Variants in SYT14 observed in about 807,000 individuals in gnomAD.
The protein encoded by SYT14 is synaptotagmin 14, also known as synaptotagmin-14.
In SYT14, 32 loss-of-function variants were observed where a neutral mutation model predicts 74.2. The observed-to-expected ratio is 0.43, with a 90% CI of 0.33 to 0.58. The LOEUF (loss-of-function observed/expected upper bound fraction) is 0.58, where lower values mean the gene tolerates loss of function less well. SYT14 is among the 20% of genes least tolerant of loss of function. The probability of loss-of-function intolerance (pLI) is 0.05; values close to 1 mark genes in which losing one functional copy is unlikely to be tolerated. For synonymous variants in SYT14, 298 were observed against 337.7 expected (o/e 0.88, Z 1.29); for missense variants, 791 against 981.8 (o/e 0.81, Z 2.60).
intron 7 of SYT14, among the ~76,000 whole-genome samples, chr1:210,129,298 C>T (rs1340070806): frequency 6.6e-6 from 1 of 152,220 alleles, no homozygotes; most frequent in Non-Finnish European, 1.5e-5. Context: ...TTTCTACTCT[C>T]TTCCCCGACC....
chr1:210,061,974 A>G (rs893933166), intron 5 of SYT14, among the ~76,000 whole-genome samples: 1 of 151,726 alleles, frequency 6.6e-6, no homozygotes, highest in Admixed American at 6.6e-5. Context: ...TAGTGTAAAG[A>G]TCTATTATAC....
At chr1:209,984,745 G>A (rs2079543333) in intron 2 of SYT14, among the ~76,000 whole-genome samples, 1 of 152,140 alleles carries the variant, frequency 6.6e-6, no homozygotes, top group South Asian at 2.1e-4. Flanking sequence ...GGTTCTGCAG[G>A]CTGTATAAGC....
chr1:209,984,976 A>G (rs887756813), intron 2 of SYT14, among the ~76,000 whole-genome samples: 1 of 152,278 alleles, frequency 6.6e-6, no homozygotes, highest in Non-Finnish European at 1.5e-5. Context: ...AACACCTCCC[A>G]CCAGGCCCCA....
chr1:209,980,797 T>C (rs971355806), intron 2 of SYT14, among the ~76,000 whole-genome samples: 11 of 152,162 alleles, frequency 7.2e-5, no homozygotes, highest in African/African-American at 2.4e-4. Context: ...TTCTGTTCCA[T>C]TGGTCTATGT....
intron 7 of SYT14, among the ~76,000 whole-genome samples, chr1:210,125,366 G>A (rs541789806): frequency 4.6e-5 from 7 of 152,246 alleles, no homozygotes; most frequent in African/African-American, 1.4e-4. Flanking sequence ...AGCTGCATTG[G>A]TGTTGCTGCA....
chr1:209,983,506 C>CT (rs1224166860), intron 2 of SYT14, among the ~76,000 whole-genome samples: 1 of 152,084 alleles, frequency 6.6e-6, no homozygotes, highest in Non-Finnish European at 1.5e-5. Flanking sequence ...CTCCAGTAAA[C>CT]TTTCATTTGA....
At chr1:210,168,047 G>A (rs1044078991) in exon 10 of SYT14, 32 of 135,146 alleles carry the variant, frequency 2.4e-4, no homozygotes, top group African/African-American at 8.8e-4. Context: ...ATCATAGCAT[G>A]TTTGTTGTTG....
At position 210,111,164 on chromosome 1, in the gene SYT14, A is replaced by G. The variant is rs376901150; in HGVS notation, c.2034+10703A>G. Among the ~76,000 whole-genome samples, 5 of 152,318 alleles carry G rather than the reference A, an allele frequency of 3.3e-5. No homozygotes were observed. In the South Asian group the frequency reaches 1.0e-3, roughly 32 times the overall value. ...TAAAGCTTTTTAATCACCTGGGTGC[A>G]GGCGGGCTGAGTCCAGAAAGAGGGT... is the stretch of plus-strand genomic sequence containing the variant. On this transcript the variant is annotated intron_variant, in intron 7 of 9. Coordinates refer to ENST00000637265, the Ensembl canonical transcript of SYT14.
intron 5 of SYT14, among the ~76,000 whole-genome samples, chr1:210,057,588 AT>A (rs1387735225): frequency 6.6e-6 from 1 of 152,122 alleles, no homozygotes; most frequent in Non-Finnish European, 1.5e-5. Context: ...TAAATCAATA[AT>A]TTTTTTATTT....
chr1:210,085,168 G>T (rs1419394124), intron 5 of SYT14, among the ~76,000 whole-genome samples: 1 of 152,086 alleles, frequency 6.6e-6, no homozygotes, highest in African/African-American at 2.4e-5. Context: ...TTATATGTGA[G>T]ATTTTTAAAA....
At chr1:210,037,192 C>T (rs907107159) in intron 5 of SYT14, among the ~76,000 whole-genome samples, 37 of 151,912 alleles carry the variant, frequency 2.4e-4, no homozygotes, top group African/African-American at 8.7e-4. Flanking sequence ...TATCCATTTC[C>T]TCTAGGTTTT....
intron 2 of SYT14, among the ~76,000 whole-genome samples, chr1:209,977,358 C>T (rs1448734836): frequency 4.6e-5 from 7 of 152,090 alleles, no homozygotes; most frequent in Admixed American, 4.6e-4. Flanking sequence ...TGTTCCTTTC[C>T]ATGTTTAGTG....
At chr1:210,075,192 G>A (rs182683251) in intron 5 of SYT14, among the ~76,000 whole-genome samples, 3 of 152,182 alleles carry the variant, frequency 2.0e-5, no homozygotes, top group Middle Eastern at 3.4e-3. Context: ...GCCTGTGGGC[G>A]TGCCAGCTGA....
chr1:210,111,254 T>G (rs2082256741), intron 7 of SYT14, among the ~76,000 whole-genome samples: 2 of 151,738 alleles, frequency 1.3e-5, no homozygotes, highest in African/African-American at 4.8e-5. Context: ...AAAATTACAG[T>G]CAAAGGGGGT....
At chr1:209,954,331 T>C (rs1010762142) in intron 2 of SYT14, among the ~76,000 whole-genome samples, 1 of 152,226 alleles carries the variant, frequency 6.6e-6, no homozygotes, top group South Asian at 2.1e-4. Context: ...TGTTCTTTAT[T>C]GCTGTCTCTA....
At chr1:210,129,923 G>C (rs1182355067) in intron 7 of SYT14, among the ~76,000 whole-genome samples, 1 of 152,188 alleles carries the variant, frequency 6.6e-6, no homozygotes, top group Non-Finnish European at 1.5e-5. Context: ...AGCTCTACAA[G>C]AGCCTCTAAT....
intron 5 of SYT14, among the ~76,000 whole-genome samples, chr1:210,091,948 A>C (rs1032613283): frequency 1.3e-5 from 2 of 152,222 alleles, no homozygotes; most frequent in Non-Finnish European, 2.9e-5. Flanking sequence ...CTAAGAAAAA[A>C]GGTAAAGGAG....
chr1:210,170,862 A>G (rs1558239106), exon 10 of SYT14: 1 of 152,192 alleles, frequency 6.6e-6, no homozygotes, highest in African/African-American at 2.4e-5. Flanking sequence ...CTTTAATTGT[A>G]AGTCAAATCT....
chr1:210,065,535 G>A (rs974248298), intron 5 of SYT14, among the ~76,000 whole-genome samples: 1 of 151,270 alleles, frequency 6.6e-6, no homozygotes, highest in Non-Finnish European at 1.5e-5. Flanking sequence ...CCAGTCTCAG[G>A]TATGTCTTTT....
Sources: allele counts gnomAD v4.1 joint callset (sites outside exome capture counted in the v4.1 genomes callset), GRCh38; gene constraint gnomAD v4.1.1; transcripts MANE v1.5; gene names NCBI Gene and HGNC (gene_info 2026-07-23, HGNC 2026-07-21).